Variants in WDHD1 observed in about 807,000 individuals in gnomAD.
WDHD1 encodes WD repeat and HMG-box DNA binding protein 1.
Under a neutral mutation model 135.4 loss-of-function variants are expected in WDHD1, and 111 were observed. The observed-to-expected ratio is 0.82, with a 90% confidence interval of 0.70 to 0.96. The LOEUF is 0.96. WDHD1 is among the 40% of genes least tolerant of loss of function. The pLI, the probability that WDHD1 is intolerant of heterozygous loss-of-function variation, is 0.00. For missense variants in WDHD1, 1,351 were observed against 1,336.3 expected, an observed-to-expected ratio of 1.01 and a Z score of -0.17; for synonymous variants, 434 against 439.0, an observed-to-expected ratio of 0.99 and a Z score of 0.14.
rs776429190 is a variant in WDHD1 at position 55,000,533 on chromosome 14, A to G, written c.912T>C (p.Cys304=). ...TGCTTGATGTCTTTCCACTGGGGTCACAAACATTCTCTAGAAGCCCTAGAT... is the reference window on the plus strand; with the variant it reads ...TGCTTGATGTCTTTCCACTGGGGTCGCAAACATTCTCTAGAAGCCCTAGAT... ...EGNLGLLENV[C]DPSGKTSSSK... Residue 304 remains cysteine, a synonymous_variant, in exon 10 of 26, where the codon TGT becomes TGC. Transcript: ENST00000360586. 6.2e-7 allele frequency: 1 copy of G among 1,605,668 alleles called. No individual in the cohort carries two copies. The highest frequency in any genetic ancestry group is 8.5e-7 in the Non-Finnish European group (1 of 1,175,626).
At chr14:55,024,883 T>C (rs28406393) in intron 2 of WDHD1, among the ~76,000 whole-genome samples, 4,860 of 103,424 alleles carry the variant, frequency 0.047, 451 homozygotes, top group African/African-American at 0.14. Flanking sequence ...AGCCAGGTAT[T>C]GTCCAAGGTT....
rs1402732448 is a variant in WDHD1, at chr14:55,025,003, T to G, written c.77+1708A>C. On this transcript the variant is annotated intron_variant, in intron 2 of 25. Coordinates refer to ENST00000360586, the MANE Select transcript of WDHD1 (RefSeq NM_007086.4). ...TAGTAAAAGAGGAAGGAATGCCTCT[T>G]GCAGTTGAGACAAGAGGAAGGCATC... 2.1e-5 allele frequency among the ~76,000 whole-genome samples: 2 copies of G among 95,754 alleles called. 1 individual carries two copies. Among genetic ancestry groups the G allele is most frequent in the Non-Finnish European group, 4.9e-5 (2 of 40,626 alleles). The allele number at this position is 95,754 out of a possible 152,430, so 62.8% of individuals were successfully genotyped here.
intron 4 of WDHD1, among the ~76,000 whole-genome samples, chr14:55,010,065 T>C (rs6572997): frequency 0.43 from 65,145 of 151,370 alleles, 15,831 homozygotes; most frequent in African/African-American, 0.67. Context: ...GTGATCTGCC[T>C]GCCTTGGCCT....
Position 54,955,573 on chromosome 14 carries a change from G to A in WDHD1, c.3038C>T (p.Thr1013Ile). 1.3e-6 allele frequency: 2 copies of A among 1,568,448 alleles called. No individual in the cohort carries two copies. The highest frequency in any genetic ancestry group is 1.7e-6 in the Non-Finnish European group (2 of 1,164,628). The change falls in exon 24 of 26, where the codon ACT becomes ATT. Residue 1013 changes from threonine to isoleucine, a missense_variant. Physicochemically the swap from Thr to Ile is moderately conservative, Grantham distance 89 (BLOSUM62 -1). Transcript: ENST00000360586. Reference sequence around the variant, plus strand: ...TCTATGTACTGACCTTTGGTTTTCAGTGTTTTGAGGAGGACATATAGCTGG... The same window carrying A: ...TCTATGTACTGACCTTTGGTTTTCAATGTTTTGAGGAGGACATATAGCTGG... ...ETPAICPPQNTENQRPKTGFQ... is the reference protein window; with the variant it reads ...ETPAICPPQNIENQRPKTGFQ...
chr14:55,005,758 C>T, intron 7 of WDHD1: 1 of 375,670 alleles, frequency 2.7e-6, no homozygotes, highest in Non-Finnish European at 5.0e-6. Context: ...CTGGGTAGTG[C>T]AGAAAGCCCT....
Position 54,941,198 on chromosome 14 carries a change from T to C in WDHD1, c.*292A>G, listed in dbSNP as rs1405926129. The C allele has an allele frequency of 4.3e-6, 1 of 232,718 alleles. No homozygotes were observed. The highest frequency in any genetic ancestry group is 9.7e-5 in the East Asian group (1 of 10,310). The allele number at this position is 232,718 out of a possible 1,614,324, so 14.4% of individuals were successfully genotyped here. A position where few individuals can be genotyped will look rare whatever the true frequency, so the allele number is the denominator to read the frequency against. Reference sequence around the variant, plus strand: ...TTTAATACCTTGGCTTTAATGATTTTTCAAGGTTAAGAAACAAATTCAAAT... The same window carrying C: ...TTTAATACCTTGGCTTTAATGATTTCTCAAGGTTAAGAAACAAATTCAAAT... On this transcript the variant is annotated 3_prime_UTR_variant, in exon 26 of 26. Transcript: ENST00000360586.
intron 2 of WDHD1, among the ~76,000 whole-genome samples, chr14:55,016,177 T>C (rs1250053860): frequency 1.3e-5 from 2 of 152,354 alleles, no homozygotes; most frequent in Non-Finnish European, 2.9e-5. Context: ...TGAATGTTTT[T>C]CTAAATGGTT....
rs1215851176 is a variant in WDHD1, at chr14:54,989,036, T to C, written c.1518A>G (p.Glu506=). The change falls in exon 13 of 26, where the codon GAA becomes GAG. Residue 506 remains glutamate, a synonymous_variant. Transcript: ENST00000360586. ...AILLACESTD[E]LASKLHCLHF... ...AATAATCTTGAGTTTACCTTGCTAG[T>C]TCATCAGTGCTTTCACATGCCAACA... 1 of 1,610,174 alleles carries C rather than the reference T, an allele frequency of 6.2e-7. No homozygotes were observed. The highest frequency in any genetic ancestry group is 8.5e-7 in the Non-Finnish European group (1 of 1,177,748).
At chr14:55,008,405 C>G (rs542200029) in intron 5 of WDHD1, 39 bp from the exon 6 acceptor site, 1 of 1,577,562 alleles carries the variant, frequency 6.3e-7, no homozygotes, top group South Asian at 1.2e-5. Context: ...TAGTCATAGC[C>G]ATAATACTAC....
intron 24 of WDHD1, among the ~76,000 whole-genome samples, chr14:54,952,043 T>C (rs1207969353): frequency 6.6e-6 from 1 of 152,190 alleles, no homozygotes; most frequent in Non-Finnish European, 1.5e-5. Flanking sequence ...TCATACTGAA[T>C]GGGCAAAAAC....
chr14:54,994,059 T>C (rs551449377), intron 11 of WDHD1, among the ~76,000 whole-genome samples: 1 of 152,326 alleles, frequency 6.6e-6, no homozygotes. Context: ...GCATGTAAGT[T>C]GTTACAATAA....
At chr14:55,003,599 A>G (rs1001128602) in intron 7 of WDHD1, among the ~76,000 whole-genome samples, 4 of 150,888 alleles carry the variant, frequency 2.7e-5, no homozygotes, top group African/African-American at 7.4e-5. Flanking sequence ...ATATATATAT[A>G]GTTGCCCAGG....
In WDHD1 at chr14:54,962,521, G is replaced by A. The variant is rs1238435703; in HGVS notation, c.2678C>T (p.Ser893Phe). Residue 893 changes from serine to phenylalanine, a missense_variant, in exon 21 of 26, where the codon TCC (serine) becomes TTC (phenylalanine). Physicochemically the swap from Ser to Phe is radical, Grantham distance 155 (BLOSUM62 -2). Transcript: ENST00000360586. ...GQNSFSKSTN[S>F]SDVSAKSGAV... ...ACCTGACTTAGCTGAAACATCAGAG[G>A]AATTTGTACTTTTGGAAAACGAGTT... 6.2e-6 allele frequency: 10 copies of A among 1,609,814 alleles called. No homozygotes were observed. The highest frequency in any genetic ancestry group is 1.7e-6 in the Non-Finnish European group (2 of 1,177,948).
chr14:54,952,355 A>G (rs1349601746), intron 24 of WDHD1, among the ~76,000 whole-genome samples: 2 of 152,240 alleles, frequency 1.3e-5, no homozygotes, highest in Non-Finnish European at 2.9e-5. Flanking sequence ...ATAACAGACA[A>G]ACAGAGAGCC....
intron 2 of WDHD1, among the ~76,000 whole-genome samples, chr14:55,017,240 T>C (rs1395758631): frequency 6.6e-6 from 1 of 152,256 alleles, no homozygotes; most frequent in East Asian, 1.9e-4. Flanking sequence ...GAAGTGCTTT[T>C]AGAGTAGTCT....
At chr14:54,977,519 G>A (rs1282582770) in intron 16 of WDHD1, among the ~76,000 whole-genome samples, 1 of 152,160 alleles carries the variant, frequency 6.6e-6, no homozygotes, top group Non-Finnish European at 1.5e-5. Context: ...GGAACATAGC[G>A]AGACTGTGTC....
At chr14:54,948,138 G>A (rs540489972) in intron 24 of WDHD1, among the ~76,000 whole-genome samples, 5 of 152,142 alleles carry the variant, frequency 3.3e-5, no homozygotes, top group East Asian at 3.9e-4. Flanking sequence ...TGCAGAAGAC[G>A]GGTGATTTCT....
intron 21 of WDHD1, among the ~76,000 whole-genome samples, chr14:54,959,240 A>C (rs1366248036): frequency 6.6e-6 from 1 of 151,926 alleles, no homozygotes; most frequent in African/African-American, 2.4e-5. Context: ...AACCCAAACC[A>C]AAACAAAACT....
intron 16 of WDHD1, among the ~76,000 whole-genome samples, chr14:54,979,568 C>T (rs1334698882): frequency 1.3e-5 from 2 of 152,266 alleles, no homozygotes; most frequent in African/African-American, 4.8e-5. Flanking sequence ...TCAGAGTCAC[C>T]GTTAACCTCC....
Sources: allele counts gnomAD v4.1 joint callset (sites outside exome capture counted in the v4.1 genomes callset), GRCh38; gene constraint gnomAD v4.1.1; transcripts MANE v1.5; gene names NCBI Gene and HGNC (gene_info 2026-07-23, HGNC 2026-07-21).